The following AUTS2 variants were observed in gnomAD, a reference collection of about 807,000 sequenced individuals.
AUTS2 encodes the protein activator of transcription and developmental regulator AUTS2.
In AUTS2, 17 loss-of-function variants were observed where a neutral mutation model predicts 112.4. The ratio of observed to expected loss-of-function variants is 0.15; its 90% CI spans 0.10 to 0.23. The LOEUF is 0.23. Ranked by LOEUF, AUTS2 falls within the 10% of genes least tolerant of loss-of-function variation. The pLI is 1.00. For synonymous variants in AUTS2, 751 were observed against 702.7 expected (o/e 1.07, Z -1.09); for missense variants, 1,510 against 1,701.6 (o/e 0.89, Z 1.98).
intron 1 of AUTS2, among the ~76,000 whole-genome samples, chr7:69,637,844 CATT>C (rs1426986524): frequency 6.6e-6 from 1 of 152,112 alleles, no homozygotes; most frequent in Admixed American, 6.6e-5. Flanking sequence ...TGTGGTCTAT[CATT>C]GACTGAACAT....
At chr7:70,436,704 T>A (rs930803832) in intron 5 of AUTS2, 1 of 152,266 alleles carries the variant, frequency 6.6e-6, no homozygotes, top group South Asian at 2.1e-4. Flanking sequence ...CTTGCGGATT[T>A]TATTCAGAAT....
chr7:70,512,406 C>T lies in AUTS2; in HGVS notation c.690+76625C>T, dbSNP rs543790771. Among the ~76,000 whole-genome samples, 12 of 152,268 alleles carry T rather than the reference C, an allele frequency of 7.9e-5. No individual in the cohort carries two copies. In the South Asian group the frequency reaches 2.5e-3, roughly 32 times the overall value. On this transcript the variant is annotated intron_variant, in intron 5 of 18. Transcript: ENST00000342771. ...AAATTCTTTGGAGTTCTTCAACTCA[C>T]TTGTGACTCTATAAAAATTACCCGG...
chr7:70,754,327 C>T (rs1049850666), intron 6 of AUTS2, among the ~76,000 whole-genome samples: 1 of 152,032 alleles, frequency 6.6e-6, no homozygotes, highest in Non-Finnish European at 1.5e-5. Context: ...CTCATTTCTA[C>T]AAAATATAAA....
chr7:70,523,980 C>T (rs992154533), intron 5 of AUTS2, among the ~76,000 whole-genome samples: 2 of 152,206 alleles, frequency 1.3e-5, no homozygotes, highest in Admixed American at 6.5e-5. Context: ...GGCAGATCAA[C>T]TGGCTATAAA....
chr7:70,126,906 A>C (rs1806003286), intron 3 of AUTS2, among the ~76,000 whole-genome samples: 1 of 152,042 alleles, frequency 6.6e-6, no homozygotes, highest in African/African-American at 2.4e-5. Flanking sequence ...GGCTCACTGC[A>C]ACCTCCACCT....
chr7:69,664,198 C>G (rs1486749673), intron 1 of AUTS2, among the ~76,000 whole-genome samples: 2 of 152,166 alleles, frequency 1.3e-5, no homozygotes, highest in African/African-American at 4.8e-5. Flanking sequence ...TTTAATGAAG[C>G]ACAGCACATG....
intron 4 of AUTS2, among the ~76,000 whole-genome samples, chr7:70,150,484 A>AT (rs1170547983): frequency 6.6e-6 from 1 of 152,226 alleles, no homozygotes; most frequent in African/African-American, 2.4e-5. Context: ...CCCAGTAGAC[A>AT]TGCTGTTCTT....
At chr7:70,696,100 A>G (rs1809081709) in intron 5 of AUTS2, among the ~76,000 whole-genome samples, 1 of 152,238 alleles carries the variant, frequency 6.6e-6, no homozygotes, top group African/African-American at 2.4e-5. Context: ...AACGAAAATG[A>G]TAAACATCCC....
chr7:69,913,217 G>C (rs1210317925), intron 2 of AUTS2, among the ~76,000 whole-genome samples: 1 of 152,076 alleles, frequency 6.6e-6, no homozygotes, highest in Non-Finnish European at 1.5e-5. Flanking sequence ...CTTCTTCCTT[G>C]AAGTTTTTAT....
chr7:70,212,263 T>A (rs1021966127), intron 4 of AUTS2, among the ~76,000 whole-genome samples: 1 of 152,174 alleles, frequency 6.6e-6, no homozygotes, highest in Non-Finnish European at 1.5e-5. Flanking sequence ...TCTTCTGTTG[T>A]TTTCCCTAGT....
chr7:70,301,903 T>G (rs992041632), intron 4 of AUTS2, among the ~76,000 whole-genome samples: 1 of 151,558 alleles, frequency 6.6e-6, no homozygotes, highest in East Asian at 1.9e-4. Flanking sequence ...GGACCACAAG[T>G]GTGCACCACG....
At chr7:70,447,770 A>T (rs1360527619) in intron 5 of AUTS2, among the ~76,000 whole-genome samples, 3 of 152,256 alleles carry the variant, frequency 2.0e-5, no homozygotes, top group Non-Finnish European at 4.4e-5. Flanking sequence ...TAACTCTAAC[A>T]TCCAACAAAA....
chr7:69,620,037 G>T (rs1243919494), intron 1 of AUTS2, among the ~76,000 whole-genome samples: 3 of 152,220 alleles, frequency 2.0e-5, no homozygotes, highest in Non-Finnish European at 4.4e-5. Context: ...TTCTTCAAGA[G>T]AAATTAAGTG....
chr7:70,225,129 A>G (rs1811697203), intron 4 of AUTS2, among the ~76,000 whole-genome samples: 1 of 152,198 alleles, frequency 6.6e-6, no homozygotes, highest in Admixed American at 6.5e-5. Context: ...TTTCAGGACT[A>G]ATTTTCCCCC....
intron 2 of AUTS2, among the ~76,000 whole-genome samples, chr7:69,938,411 T>C (rs1304065649): frequency 1.3e-5 from 2 of 152,230 alleles, no homozygotes; most frequent in Non-Finnish European, 2.9e-5. Context: ...GTTTTTGCTG[T>C]TGCAGGAGGA....
chr7:70,442,930 T>C (rs944444931), intron 5 of AUTS2, among the ~76,000 whole-genome samples: 3 of 152,228 alleles, frequency 2.0e-5, no homozygotes, highest in African/African-American at 7.2e-5. Context: ...CTTAATTACA[T>C]TGCATACATC....
chr7:70,774,301 G>A (rs1790549849), intron 12 of AUTS2: 3 of 556,594 alleles, frequency 5.4e-6, no homozygotes, highest in South Asian at 2.5e-5. Context: ...GACACAAAGA[G>A]ACCGACTTGC....
At chr7:70,671,850 C>T (rs1014660534) in intron 5 of AUTS2, among the ~76,000 whole-genome samples, 1 of 152,194 alleles carries the variant, frequency 6.6e-6, no homozygotes, top group Non-Finnish European at 1.5e-5. Flanking sequence ...GGCCTGTTTG[C>T]AACCTTTGCT....
chr7:69,920,354 A>T (rs1307064327), intron 2 of AUTS2, among the ~76,000 whole-genome samples: 2 of 151,640 alleles, frequency 1.3e-5, no homozygotes, highest in African/African-American at 4.9e-5. Flanking sequence ...GTGCAGTGGT[A>T]CAATCTCACT....
Sources: gnomAD v4.1 joint callset for allele counts (sites outside exome capture counted in the v4.1 genomes callset) on GRCh38, gnomAD v4.1.1 for gene constraint, MANE v1.5 for transcripts, NCBI Gene and HGNC (gene_info 2026-07-23, HGNC 2026-07-21) for gene names.